Variants in MARCHF1 observed in about 807,000 individuals in gnomAD.
MARCHF1 encodes the protein E3 ubiquitin-protein ligase MARCHF1.
A neutral mutation model predicts 54.2 loss-of-function variants in MARCHF1; 40 were observed. The observed-to-expected ratio is 0.74, with a 90% confidence interval of 0.57 to 0.96. MARCHF1 has a LOEUF of 0.96. MARCHF1 is among the 40% of genes least tolerant of loss of function. MARCHF1 has a pLI of 0.00. For synonymous variants in MARCHF1, 236 were observed against 236.3 expected, an observed-to-expected ratio of 1.00 and a Z score of 0.01; for missense variants, 586 against 656.5, an observed-to-expected ratio of 0.89 and a Z score of 1.17.
chr4:163,969,417 T>A (rs1435456166), intron 3 of MARCHF1, among the ~76,000 whole-genome samples: 1 of 152,232 alleles, frequency 6.6e-6, no homozygotes, highest in Admixed American at 6.5e-5. Flanking sequence ...GTGATATATT[T>A]CAGGGAAGAT....
intron 3 of MARCHF1, among the ~76,000 whole-genome samples, chr4:163,959,372 CA>C (rs1404992671): frequency 1.3e-5 from 2 of 148,666 alleles, no homozygotes; most frequent in Non-Finnish European, 3.0e-5. Flanking sequence ...ACAAAACAAA[CA>C]AAAAAAAAGC....
chr4:164,177,603 T>TA (rs1730722562), intron 1 of MARCHF1, among the ~76,000 whole-genome samples: 3 of 152,132 alleles, frequency 2.0e-5, no homozygotes, highest in Non-Finnish European at 4.4e-5. Context: ...AATGCAGACT[T>TA]ACTGGATATG....
chr4:163,528,836 TTGA>T lies in MARCHF1; in HGVS notation c.1547_1549del (p.Ile516del). ...TGGTACAGGCACTACCACAGCATCT[TTGA>T]TGTCTGTGTTTACATTACATGAGAA... On this transcript the variant is annotated inframe_deletion, in exon 10 of 10. Coordinates refer to ENST00000514618, the MANE Select transcript of MARCHF1 (RefSeq NM_001394959.1). 6.2e-7 allele frequency: 1 copy of T among 1,613,288 alleles called. No individual in the cohort carries two copies.
At chr4:163,575,958 C>T (rs138010907) in intron 8 of MARCHF1, among the ~76,000 whole-genome samples, 2 of 151,794 alleles carry the variant, frequency 1.3e-5, no homozygotes, top group Non-Finnish European at 2.9e-5. Flanking sequence ...TAGTTAGTGG[C>T]CTATTGACCT....
chr4:163,882,777 T>C lies in MARCHF1; in HGVS notation c.-38-28608A>G, dbSNP rs146796606. Among the ~76,000 whole-genome samples the C allele has an allele frequency of 5.9e-5, 9 of 152,228 alleles. No homozygotes were observed. In the East Asian group the frequency reaches 1.7e-3, roughly 30 times the overall value. On this transcript the variant is annotated intron_variant, in intron 3 of 9. Coordinates refer to ENST00000514618, the MANE Select transcript of MARCHF1 (RefSeq NM_001394959.1). Reference sequence around the variant, plus strand: ...TGAACCTAGGAGTTCGAGACTAGCCTGGGCAACATGATGAAACCTCATCTC... The same window carrying C: ...TGAACCTAGGAGTTCGAGACTAGCCCGGGCAACATGATGAAACCTCATCTC...
At chr4:163,876,955 A>G (rs1308661670) in intron 3 of MARCHF1, among the ~76,000 whole-genome samples, 1 of 152,168 alleles carries the variant, frequency 6.6e-6, no homozygotes, top group Non-Finnish European at 1.5e-5. Flanking sequence ...CATAACGAAA[A>G]AGATAACCTT....
chr4:164,007,860 C>T (rs946537923), intron 2 of MARCHF1, among the ~76,000 whole-genome samples: 20 of 151,670 alleles, frequency 1.3e-4, no homozygotes, highest in African/African-American at 4.1e-4. Flanking sequence ...AACTGTCCTA[C>T]AAGAAAAAAA....
chr4:163,717,770 T>C (rs1368442860), intron 4 of MARCHF1, among the ~76,000 whole-genome samples: 1 of 152,224 alleles, frequency 6.6e-6, no homozygotes, highest in African/African-American at 2.4e-5. Context: ...TTTTTTCATG[T>C]GTCTGTTGGC....
chr4:164,242,105 T>G (rs549387073), intron 1 of MARCHF1, among the ~76,000 whole-genome samples: 125 of 151,990 alleles, frequency 8.2e-4, no homozygotes, highest in African/African-American at 2.5e-3. Flanking sequence ...GCCTGGAAGC[T>G]CGAACTGGGT....
intron 4 of MARCHF1, among the ~76,000 whole-genome samples, chr4:163,766,359 C>T (rs533835935): frequency 1.3e-5 from 2 of 152,116 alleles, no homozygotes; most frequent in African/African-American, 2.4e-5. Context: ...GAATGCTTCA[C>T]TCCCTCAATT....
chr4:164,279,803 T>A (rs1199454417), intron 1 of MARCHF1, among the ~76,000 whole-genome samples: 1 of 151,654 alleles, frequency 6.6e-6, no homozygotes, highest in East Asian at 1.9e-4. Context: ...TAGAAGAATA[T>A]GAAACCTCTT....
At chr4:163,935,733 T>A (rs2110734787) in intron 3 of MARCHF1, among the ~76,000 whole-genome samples, 1 of 148,566 alleles carries the variant, frequency 6.7e-6, no homozygotes, top group East Asian at 2.0e-4. Context: ...TTATTATACT[T>A]TAAGTTTTAG....
At chr4:164,015,674 A>T (rs924392535) in intron 2 of MARCHF1, among the ~76,000 whole-genome samples, 2 of 152,168 alleles carry the variant, frequency 1.3e-5, no homozygotes, top group Non-Finnish European at 2.9e-5. Context: ...TATTTCTGCA[A>T]AGAAGACACA....
chr4:164,045,742 C>T (rs1177813553), intron 2 of MARCHF1, among the ~76,000 whole-genome samples: 1 of 147,230 alleles, frequency 6.8e-6, no homozygotes, highest in East Asian at 2.0e-4. Context: ...TCATGTAATA[C>T]ACTTCCTCCT....
chr4:163,859,033 A>G (rs1749848435), intron 3 of MARCHF1, among the ~76,000 whole-genome samples: 3 of 152,184 alleles, frequency 2.0e-5, no homozygotes, highest in African/African-American at 7.2e-5. Flanking sequence ...TGGAAGAGCA[A>G]CTGAAATAGA....
chr4:164,064,537 A>T (rs928681950), intron 2 of MARCHF1, among the ~76,000 whole-genome samples: 1 of 152,200 alleles, frequency 6.6e-6, no homozygotes, highest in African/African-American at 2.4e-5. Flanking sequence ...TTATCAGCTT[A>T]AGAAGCTTTT....
At chr4:163,990,439 A>T (rs1377921305) in intron 2 of MARCHF1, among the ~76,000 whole-genome samples, 1 of 152,220 alleles carries the variant, frequency 6.6e-6, no homozygotes, top group African/African-American at 2.4e-5. Context: ...CCTCAGCACA[A>T]TAAGCTCATT....
At chr4:164,166,000 T>C (rs767863936) in intron 1 of MARCHF1, among the ~76,000 whole-genome samples, 28 of 152,126 alleles carry the variant, frequency 1.8e-4, no homozygotes, top group African/African-American at 5.5e-4. Context: ...AGGCTGAATA[T>C]GCTCAGCAAA....
chr4:163,706,902 C>T (rs1264651770), intron 4 of MARCHF1, among the ~76,000 whole-genome samples: 1 of 151,872 alleles, frequency 6.6e-6, no homozygotes, highest in Non-Finnish European at 1.5e-5. Context: ...ATGGTATTGG[C>T]ATAGAAATTA....
Sources: allele counts gnomAD v4.1 joint callset (sites outside exome capture counted in the v4.1 genomes callset), GRCh38; gene constraint gnomAD v4.1.1; transcripts MANE v1.5; gene names NCBI Gene and HGNC (gene_info 2026-07-23, HGNC 2026-07-21).